Variants in PLCD4 observed in about 807,000 individuals in gnomAD.
The protein encoded by PLCD4 is phospholipase C delta 4.
A neutral mutation model predicts 90.2 loss-of-function variants in PLCD4; 63 were observed. The observed-to-expected ratio is 0.70, with a 90% CI of 0.57 to 0.86. The LOEUF (loss-of-function observed/expected upper bound fraction) is 0.86. Among genes scored for constraint, PLCD4 ranks in the 40% least tolerant of loss-of-function variants. The pLI is 0.00. For missense variants in PLCD4, 830 were observed against 956.3 expected (o/e 0.87, Z 1.74); for synonymous variants, 294 against 356.5 (o/e 0.82, Z 1.97).
At position 218,634,152 on chromosome 2, in the gene PLCD4, C is replaced by T; in HGVS notation, c.1654C>T (p.Pro552Ser). 1 of 1,612,814 alleles carries T rather than the reference C, an allele frequency of 6.2e-7. No individual in the cohort carries two copies. The highest frequency in any genetic ancestry group is 8.5e-7 in the Non-Finnish European group (1 of 1,179,410). ...HNTWQLSRVY[P>S]SGLRTDSSNY... Reference sequence around the variant, plus strand: ...TACTTGGCAGTTAAGCCGTGTGTATCCCAGCGGCCTGAGGACAGACTCTTC... The same window carrying T: ...TACTTGGCAGTTAAGCCGTGTGTATTCCAGCGGCCTGAGGACAGACTCTTC... Residue 552 changes from proline to serine, a missense_variant, in exon 12 of 16, where the codon CCC becomes TCC. Transcript: ENST00000450993. This position sits in a 1 kb window ranked among gnomAD's most constrained non-coding sequence, Gnocchi z 4.0.
At chr2:218,615,439 G>T (rs906719303) in intron 1 of PLCD4, among the ~76,000 whole-genome samples, 10 of 152,262 alleles carry the variant, frequency 6.6e-5, no homozygotes, top group African/African-American at 2.4e-4. Flanking sequence ...GCAAAATGTG[G>T]CACTAGTAGA....
At chr2:218,622,957 G>A (rs1695952093) in intron 6 of PLCD4, 79 bp downstream of exon 6, 1 of 1,280,214 alleles carries the variant, frequency 7.8e-7, no homozygotes, top group African/African-American at 1.5e-5. Context: ...GAGACAAGCA[G>A]CCATCTGCCT....
chr2:218,631,676 C>T (rs1396893093), intron 9 of PLCD4, among the ~76,000 whole-genome samples: 1 of 146,326 alleles, frequency 6.8e-6, no homozygotes, highest in African/African-American at 2.8e-5. Context: ...ACCTGTAATC[C>T]CAGCTACTTG....
intron 6 of PLCD4, 34 bp from the exon 7 acceptor site, chr2:218,627,995 C>G: frequency 6.4e-7 from 1 of 1,573,894 alleles, no homozygotes; most frequent in Non-Finnish European, 8.7e-7. Flanking sequence ...CCATTCAGAG[C>G]TTCTCACCTA....
intron 5 of PLCD4, among the ~76,000 whole-genome samples, chr2:218,621,813 C>G (rs1695892816): frequency 6.6e-6 from 1 of 152,160 alleles, no homozygotes. Context: ...GGCGCAGTGG[C>G]TCATGCCTGT....
intron 11 of PLCD4, 115 bp downstream of exon 11, chr2:218,633,876 G>T: frequency 1.8e-6 from 2 of 1,121,254 alleles, no homozygotes; most frequent in Admixed American, 4.1e-5. Flanking sequence ...AGATGAAGGA[G>T]TTCAGAAACT....
At chr2:218,612,888 T>A (rs1473357964) in intron 1 of PLCD4, among the ~76,000 whole-genome samples, 1 of 152,244 alleles carries the variant, frequency 6.6e-6, no homozygotes, top group Non-Finnish European at 1.5e-5. Flanking sequence ...TTATAGGGTC[T>A]TCCCACAAAA....
intron 7 of PLCD4, 63 bp from the exon 8 acceptor site, chr2:218,629,456 T>A (rs2106152519): frequency 6.3e-7 from 1 of 1,578,670 alleles, no homozygotes; most frequent in Non-Finnish European, 8.6e-7. Context: ...GTGGGGAGAG[T>A]CCCTAGGTAG....
At chr2:218,624,833 G>A (rs1214694694) in intron 6 of PLCD4, among the ~76,000 whole-genome samples, 2 of 151,742 alleles carry the variant, frequency 1.3e-5, no homozygotes, top group Admixed American at 6.6e-5. Flanking sequence ...TCTCTAGGCC[G>A]GGCGCTGTGG....
At chr2:218,629,916 G>A (rs573188599) in intron 8 of PLCD4, among the ~76,000 whole-genome samples, 38 of 152,332 alleles carry the variant, frequency 2.5e-4, no homozygotes, top group South Asian at 2.1e-3. Context: ...GGTGGCTCAT[G>A]CCTGTAATCC....
chr2:218,628,505 AT>A (rs1482903621), intron 7 of PLCD4: 1 of 356,412 alleles, frequency 2.8e-6, no homozygotes, highest in Non-Finnish European at 5.2e-6. Context: ...TAATAAACAG[AT>A]TGTTAAATGG....
intron 7 of PLCD4, chr2:218,628,925 C>T (rs1696233827): frequency 6.5e-6 from 1 of 153,916 alleles, no homozygotes; most frequent in African/African-American, 2.4e-5. Flanking sequence ...GGATATAAAG[C>T]CAGAACACCA....
chr2:218,634,465 G>C lies in PLCD4; in HGVS notation c.1731G>C (p.Met577Ile). The change falls in exon 13 of 16, where the codon ATG becomes ATC. Residue 577 changes from methionine to isoleucine, a missense_variant. Met to Ile is a conservative substitution (Grantham distance 10, BLOSUM62 1). Coordinates refer to ENST00000450993, the MANE Select transcript of PLCD4 (RefSeq NM_032726.4). This position sits in a 1 kb window ranked among gnomAD's most constrained non-coding sequence, Gnocchi z 4.0. ...LWNAGCQMVA[M>I]NMQTAGLEMD... ...TTCTCCTGGGGCCCTCAGTGGCCAT[G>C]AATATGCAGACTGCAGGGCTTGAAA... The C allele has an allele frequency of 6.2e-7, 1 of 1,612,406 alleles. No homozygotes were observed. Among genetic ancestry groups the C allele is most frequent in the Non-Finnish European group, 8.5e-7 (1 of 1,179,342 alleles).
chr2:218,634,233 G>A lies in PLCD4; in HGVS notation c.1723+12G>A, dbSNP rs368799309. On this transcript the variant is annotated intron_variant, in intron 12 of 15. Transcript: ENST00000450993. The surrounding 1 kb of genome is among the most constrained non-coding windows in gnomAD (Gnocchi z 4.0). ...AGGCTGCCAGATGGGTGAGGAGGCA[G>A]CAGGGACTGGGAAGAGGGAGTGGAG... 2 of 1,603,084 alleles carry A rather than the reference G, an allele frequency of 1.2e-6. No individual in the cohort carries two copies. The highest frequency in any genetic ancestry group is 2.7e-5 in the African/African-American group (2 of 74,708).
chr2:218,608,521 T>G (rs73992531), intron 1 of PLCD4, among the ~76,000 whole-genome samples: 6,778 of 152,258 alleles, frequency 0.045, 499 homozygotes, highest in African/African-American at 0.15. Flanking sequence ...TCTAAAGAAC[T>G]TGTTCTTTGC....
Position 218,637,109 on chromosome 2 carries a change from G to GCACTCAAAGTCCCC in PLCD4, c.*537_*550dup, listed in dbSNP as rs2106179028. 1 of 337,914 alleles carries GCACTCAAAGTCCCC rather than the reference G, an allele frequency of 3.0e-6. No individual in the cohort carries two copies. Among genetic ancestry groups the GCACTCAAAGTCCCC allele is most frequent in the East Asian group, 7.7e-5 (1 of 13,042 alleles). The allele number at this position is 337,914 out of a possible 1,614,324, so 20.9% of individuals were successfully genotyped here. On this transcript the variant is annotated 3_prime_UTR_variant, in exon 16 of 16. Transcript: ENST00000450993. ...ACGACTCTTAAGAGAACACTGCACA[G>GCACTCAAAGTCCCC]CACTCAAAGTCCCCCACTGGACTGC...
intron 3 of PLCD4, among the ~76,000 whole-genome samples, chr2:218,617,718 G>A (rs1022304817): frequency 7.2e-5 from 11 of 151,916 alleles, no homozygotes; most frequent in Admixed American, 1.3e-4. Context: ...AATCCATACC[G>A]CCCCCAGCTG....
intron 1 of PLCD4, among the ~76,000 whole-genome samples, chr2:218,610,513 A>AT (rs1416989590): frequency 3.3e-5 from 5 of 152,014 alleles, no homozygotes; most frequent in African/African-American, 1.2e-4. Flanking sequence ...GTCTCAAAAA[A>AT]AAATAAATAA....
At chr2:218,633,808 T>A in intron 11 of PLCD4, 47 bp downstream of exon 11, 1 of 1,601,950 alleles carries the variant, frequency 6.2e-7, no homozygotes, top group Non-Finnish European at 8.5e-7. Flanking sequence ...GATGGATAGG[T>A]TCAGGCCTGA....
Sources: allele counts gnomAD v4.1 joint callset (sites outside exome capture counted in the v4.1 genomes callset), GRCh38; gene constraint gnomAD v4.1.1; non-coding constraint Gnocchi (gnomAD v3.1); transcripts MANE v1.5; gene names NCBI Gene and HGNC (gene_info 2026-07-23, HGNC 2026-07-21).